The following PLEKHG4B variants were observed in gnomAD, a reference collection of about 807,000 sequenced individuals.
The protein encoded by PLEKHG4B is pleckstrin homology and RhoGEF domain containing G4B.
PLEKHG4B carries 111 observed loss-of-function variants against 121.3 expected under a neutral mutation model. The ratio of observed to expected loss-of-function variants is 0.92; its 90% CI spans 0.78 to 1.07. The LOEUF (loss-of-function observed/expected upper bound fraction) is 1.07, where lower values mean the gene tolerates loss of function less well. PLEKHG4B is among the 50% of genes least tolerant of loss of function. The pLI is 0.00. For synonymous variants in PLEKHG4B, 738 were observed against 725.0 expected (o/e 1.02, Z -0.29); for missense variants, 1,831 against 1,757.8 (o/e 1.04, Z -0.74).
intron 18 of PLEKHG4B, among the ~76,000 whole-genome samples, chr5:177,426 A>G (rs1214151348): frequency 1.3e-5 from 2 of 152,214 alleles, no homozygotes; most frequent in Non-Finnish European, 2.9e-5. Context: ...AAGATTTTCT[A>G]GTTAACTTTG....
rs59446461 is a variant in PLEKHG4B, at chr5:183,979, AGATAGATAGATC to A, written c.*1668_*1679del. ...TAGATATATATACAGACAGATAGAT[AGATAGATAGATC>A]GATAGATAGATAGATAGATAGATAG... On this transcript the variant is annotated 3_prime_UTR_variant, in exon 20 of 20. Transcript: ENST00000637938. 0.22 allele frequency: 19,534 copies of A among 88,798 alleles called. 1,543 individuals carry two copies. The highest frequency in any genetic ancestry group is 0.26 in the Non-Finnish European group (11,595 of 45,126). The allele number at this position is 88,798 out of a possible 1,614,324, so 5.5% of individuals were successfully genotyped here.
chr5:160,938 C>T (rs1014432699), intron 11 of PLEKHG4B, among the ~76,000 whole-genome samples: 8 of 152,172 alleles, frequency 5.3e-5, no homozygotes, highest in African/African-American at 1.7e-4. Flanking sequence ...GCTCTGTTTA[C>T]AGACAGCGTA....
At chr5:148,883 CAATGG>C (rs1459937472) in intron 6 of PLEKHG4B, among the ~76,000 whole-genome samples, 1 of 152,014 alleles carries the variant, frequency 6.6e-6, no homozygotes, top group Non-Finnish European at 1.5e-5. Context: ...ACGTATAGAA[CAATGG>C]AATAGAGTAG....
chr5:120,331 G>A (rs867331637), intron 2 of PLEKHG4B, among the ~76,000 whole-genome samples: 11 of 152,254 alleles, frequency 7.2e-5, no homozygotes, highest in South Asian at 6.2e-4. Context: ...AAATCTCATC[G>A]TCTAACAGTC....
chr5:182,898 C>G lies in PLEKHG4B; in HGVS notation c.*575C>G, dbSNP rs547330704. ...TAGTGGGTTGCTACCCATTCGCACA[C>G]TCAAACAGGGAGGCTACCAAGGCTG... On this transcript the variant is annotated 3_prime_UTR_variant, in exon 20 of 20. Coordinates refer to ENST00000637938, the MANE Select transcript of PLEKHG4B (RefSeq NM_052909.5). 6.9e-4 allele frequency: 108 copies of G among 156,612 alleles called. No individual in the cohort carries two copies. The highest frequency in any genetic ancestry group is 6.2e-4 in the Non-Finnish European group (44 of 70,418). The allele number at this position is 156,612 out of a possible 1,614,324, so 9.7% of individuals were successfully genotyped here.
At chr5:151,639 A>G (rs1735610450) in intron 7 of PLEKHG4B, 40 bp downstream of exon 7, 1 of 1,335,758 alleles carries the variant, frequency 7.5e-7, no homozygotes, top group Non-Finnish European at 1.1e-6. Flanking sequence ...GATGGATAAA[A>G]TTAAACATTA....
At position 172,924 on chromosome 5, in the gene PLEKHG4B, A is replaced by G. The variant is rs1736614510; in HGVS notation, c.4078A>G (p.Arg1360Gly). 1 of 1,614,208 alleles carries G rather than the reference A, an allele frequency of 6.2e-7. No individual in the cohort carries two copies. The highest frequency in any genetic ancestry group is 8.5e-7 in the Non-Finnish European group (1 of 1,180,030). ...GAATTTGAAGGAACAGGGGCAGCTGAGATGCCGGGATGAGTTTATCGTTTG... is the reference window on the plus strand; with the variant it reads ...GAATTTGAAGGAACAGGGGCAGCTGGGATGCCGGGATGAGTTTATCGTTTG... ...DVNLKEQGQLRCRDEFIVCCG... is the reference protein window; with the variant it reads ...DVNLKEQGQLGCRDEFIVCCG... The change falls in exon 17 of 20, where the codon AGA becomes GGA. Residue 1360 changes from arginine to glycine, a missense_variant. Transcript: ENST00000637938.
At chr5:133,941 CATATATATATGGTGGA>C (rs1734854090) in intron 2 of PLEKHG4B, among the ~76,000 whole-genome samples, 1 of 146,288 alleles carries the variant, frequency 6.8e-6, no homozygotes, top group East Asian at 2.0e-4. Context: ...CACACACACA[CATATATATATGGTGGA>C]ATATATATAT....
At chr5:171,913 T>G (rs2126455871) in intron 16 of PLEKHG4B, among the ~76,000 whole-genome samples, 1 of 152,294 alleles carries the variant, frequency 6.6e-6, no homozygotes, top group East Asian at 1.9e-4. Context: ...ACCGGCTGCA[T>G]GGGTCTCATC....
chr5:114,668 G>C (rs1300765316), intron 2 of PLEKHG4B, among the ~76,000 whole-genome samples: 2 of 152,138 alleles, frequency 1.3e-5, no homozygotes, highest in Admixed American at 1.3e-4. Flanking sequence ...TGTTGGCCAG[G>C]CTGGTCTTAA....
At chr5:176,447 C>T (rs1001030136) in intron 18 of PLEKHG4B, among the ~76,000 whole-genome samples, 2 of 152,332 alleles carry the variant, frequency 1.3e-5, no homozygotes, top group East Asian at 1.9e-4. Context: ...TTGATTCAAG[C>T]GCAAAGCATG....
chr5:155,362 T>C lies in PLEKHG4B; in HGVS notation c.2127T>C (p.Ala709=), dbSNP rs1735741290. 1.2e-6 allele frequency: 2 copies of C among 1,614,182 alleles called. No homozygotes were observed. Among genetic ancestry groups the C allele is most frequent in the Non-Finnish European group, 1.7e-6 (2 of 1,180,012 alleles). The change falls in exon 9 of 20, where the codon GCT becomes GCC. Residue 709 remains alanine (A), a synonymous_variant. Coordinates refer to ENST00000637938, the MANE Select transcript of PLEKHG4B (RefSeq NM_052909.5). Reference sequence around the variant, plus strand: ...CACAACAGAGGCTGGAACACTTCGCTGCAAACTGTGAAGAAGCCATCATTT... The same window carrying C: ...CACAACAGAGGCTGGAACACTTCGCCGCAAACTGTGAAGAAGCCATCATTT... ...ICFRQRLEHF[A]ANCEEAIIFL... is the part of the protein sequence containing the mutation.
rs532295401 is a variant in PLEKHG4B at position 113,325 on chromosome 5, C to T, written c.120C>T (p.Ala40=). 3.3e-5 allele frequency: 13 copies of T among 399,116 alleles called. 1 individual carries two copies. Among genetic ancestry groups the T allele is most frequent in the African/African-American group, 2.1e-4 (10 of 48,744 alleles). 24.7% of individuals were successfully genotyped at this position (399,116 alleles called of 1,614,324 possible). Residue 40 remains alanine, a synonymous_variant, in exon 2 of 20, where the codon GCC becomes GCT. Transcript: ENST00000637938. This position sits in a 1 kb window ranked among gnomAD's most constrained non-coding sequence, Gnocchi z 5.2. The part of the protein sequence containing the change: ...ALYPPFEATA[A]TVLWQLFSVA... ...ACCCACCGTTTGAAGCCACGGCAGC[C>T]ACGGTGCTCTGGCAGCTGTTCAGCG...
chr5:186,208 C>G lies in PLEKHG4B; in HGVS notation c.*3885C>G, dbSNP rs1009864940. 15 of 152,326 alleles carry G rather than the reference C, an allele frequency of 9.8e-5. No homozygotes were observed. Among genetic ancestry groups the G allele is most frequent in the African/African-American group, 2.9e-4 (12 of 41,552 alleles). The allele number at this position is 152,326 out of a possible 1,614,324, so 9.4% of individuals were successfully genotyped here. The stretch of plus-strand genomic sequence containing the variant: ...CTGGCAGAAGAGGCCCACCGAGTTA[C>G]GTCCACACCAGCTGGCCCTGGGCAC... On this transcript the variant is annotated 3_prime_UTR_variant, in exon 20 of 20. Coordinates refer to ENST00000637938, the MANE Select transcript of PLEKHG4B (RefSeq NM_052909.5).
rs180758809 is a variant in PLEKHG4B at position 128,107 on chromosome 5, G to C, written c.244-11376G>C. 7.2e-5 allele frequency among the ~76,000 whole-genome samples: 11 copies of C among 152,218 alleles called. No homozygotes were observed. In the East Asian group the frequency reaches 2.1e-3, roughly 29 times the overall value. ...CTTAGGGACAATAGATGACAAATGT[G>C]TCCTATTCAGACCTTTAAAAGGTAC... On this transcript the variant is annotated intron_variant, in intron 2 of 19. Transcript: ENST00000637938.
At chr5:110,612 A>G (rs1471340402) in intron 1 of PLEKHG4B, among the ~76,000 whole-genome samples, 1 of 144,242 alleles carries the variant, frequency 6.9e-6, no homozygotes. Context: ...ACGTGTGCAC[A>G]CACCGGCCAC....
chr5:102,977 C>A (rs1316086895), intron 1 of PLEKHG4B, among the ~76,000 whole-genome samples: 1 of 152,194 alleles, frequency 6.6e-6, no homozygotes, highest in Non-Finnish European at 1.5e-5. Context: ...CTTGCTAGCA[C>A]ATCTGGCTGA....
intron 11 of PLEKHG4B, among the ~76,000 whole-genome samples, chr5:161,391 G>C (rs1177622989): frequency 1.3e-5 from 2 of 152,206 alleles, no homozygotes; most frequent in Admixed American, 1.3e-4. Flanking sequence ...ATAGTTTGGA[G>C]CTTGAGCCTC....
intron 13 of PLEKHG4B, among the ~76,000 whole-genome samples, chr5:164,933 C>G (rs1376450956): frequency 1.5e-5 from 1 of 64,866 alleles, no homozygotes; most frequent in Non-Finnish European, 3.7e-5. Flanking sequence ...CACACTAATG[C>G]TGTGACGGGG....
Sources: gnomAD v4.1 joint callset for allele counts (sites outside exome capture counted in the v4.1 genomes callset) on GRCh38, gnomAD v4.1.1 for gene constraint, Gnocchi (gnomAD v3.1) non-coding constraint, MANE v1.5 for transcripts, NCBI Gene and HGNC (gene_info 2026-07-23, HGNC 2026-07-21) for gene names.